SAMMSON: variants seen among roughly 807,000 people sequenced by gnomAD.
SAMMSON encodes the protein survival associated mitochondrial melanoma specific oncogenic non-coding RNA.
At chr3:70,245,858 T>A (rs1244521692) in intron 4 of SAMMSON, among the ~76,000 whole-genome samples, 1 of 151,066 alleles carries the variant, frequency 6.6e-6, no homozygotes, top group Non-Finnish European at 1.5e-5. Flanking sequence ...TTAAAAACAA[T>A]CTCCGCAGAA....
intron 4 of SAMMSON, among the ~76,000 whole-genome samples, chr3:70,192,638 G>A (rs557474541): frequency 6.6e-6 from 1 of 152,278 alleles, no homozygotes; most frequent in Admixed American, 6.5e-5. Context: ...CTCAAAACGT[G>A]GAGTCTTTAG....
At chr3:70,248,729 G>C (rs1042657775) in intron 4 of SAMMSON, among the ~76,000 whole-genome samples, 1 of 152,064 alleles carries the variant, frequency 6.6e-6, no homozygotes, top group African/African-American at 2.4e-5. Context: ...AAGAGTTAGT[G>C]AACAAAAGAA....
At chr3:70,107,024 C>T (rs956169391) in intron 4 of SAMMSON, among the ~76,000 whole-genome samples, 1 of 152,172 alleles carries the variant, frequency 6.6e-6, no homozygotes, top group African/African-American at 2.4e-5. Flanking sequence ...AAATATTGGA[C>T]ACCCAGTGTA....
At chr3:70,188,624 C>T (rs147785271) in intron 4 of SAMMSON, among the ~76,000 whole-genome samples, 15 of 152,216 alleles carry the variant, frequency 9.9e-5, no homozygotes, top group South Asian at 4.1e-4. Context: ...TCATGTGTTA[C>T]GGAAACAAAT....
At chr3:70,014,168 A>G (rs2107578144) in intron 3 of SAMMSON, 1 of 152,302 alleles carries the variant, frequency 6.6e-6, no homozygotes, top group South Asian at 2.1e-4. Context: ...TACTATTTCC[A>G]AAGCGGAGAG....
At chr3:70,353,947 T>A (rs1004244705) in intron 7 of SAMMSON, among the ~76,000 whole-genome samples, 22 of 152,146 alleles carry the variant, frequency 1.4e-4, no homozygotes, top group African/African-American at 5.3e-4. Context: ...AAAAGCCAAT[T>A]TGAAAGGTTA....
At chr3:70,348,670 C>T (rs1300341567) in intron 7 of SAMMSON, among the ~76,000 whole-genome samples, 1 of 152,190 alleles carries the variant, frequency 6.6e-6, no homozygotes, top group Non-Finnish European at 1.5e-5. Context: ...TCTCAGGTTC[C>T]AATTCCAGGG....
chr3:70,112,319 C>G (rs1027739146), intron 4 of SAMMSON, among the ~76,000 whole-genome samples: 1 of 152,092 alleles, frequency 6.6e-6, no homozygotes, highest in Non-Finnish European at 1.5e-5. Flanking sequence ...TGTACAATTA[C>G]GTACCCTACA....
At chr3:70,296,912 T>C (rs2106698305) in intron 7 of SAMMSON, among the ~76,000 whole-genome samples, 1 of 152,052 alleles carries the variant, frequency 6.6e-6, no homozygotes. Flanking sequence ...TAAACTTTCA[T>C]ATGGCTAATA....
intron 6 of SAMMSON, among the ~76,000 whole-genome samples, chr3:70,277,300 C>T (rs1204310644): frequency 6.6e-6 from 1 of 152,118 alleles, no homozygotes; most frequent in Non-Finnish European, 1.5e-5. Context: ...TTTGTTTATT[C>T]TGAAACTAAC....
chr3:70,371,881 G>A (rs1346653903), intron 9 of SAMMSON, among the ~76,000 whole-genome samples: 1 of 152,148 alleles, frequency 6.6e-6, no homozygotes, highest in African/African-American at 2.4e-5. Context: ...TTAAATAAGA[G>A]TGGTGAAAGT....
At chr3:70,267,579 T>TG (rs1491522896) in intron 6 of SAMMSON, among the ~76,000 whole-genome samples, 1 of 27,436 alleles carries the variant, frequency 3.6e-5, no homozygotes, top group Non-Finnish European at 6.0e-5. Flanking sequence ...ATTTTTTGTA[T>TG]TTTTTTTTTT....
chr3:70,044,774 A>T (rs2067117883), intron 3 of SAMMSON, among the ~76,000 whole-genome samples: 1 of 150,980 alleles, frequency 6.6e-6, no homozygotes, highest in Non-Finnish European at 1.5e-5. Context: ...AATAAAATGT[A>T]ACTGTGTTTA....
At position 70,193,073 on chromosome 3, in the gene SAMMSON, A is replaced by T. The variant is rs945580243; in HGVS notation, n.508-56034A>T. 2.0e-5 allele frequency among the ~76,000 whole-genome samples: 3 copies of T among 152,206 alleles called. No homozygotes were observed. In the East Asian group the frequency reaches 5.8e-4, roughly 30 times the overall value. Reference sequence around the variant, plus strand: ...GCTTTGCCAAATTGTGAGGGAGGGAATTGAGAACCACTGCTTTAGAGGCAG... The same window carrying T: ...GCTTTGCCAAATTGTGAGGGAGGGATTTGAGAACCACTGCTTTAGAGGCAG... On this transcript the variant is annotated intron_variant and non_coding_transcript_variant, in intron 4 of 9. Coordinates refer to ENST00000642114, the Ensembl canonical transcript of SAMMSON.
chr3:70,010,694 A>G (rs1346864936), intron 1 of SAMMSON, among the ~76,000 whole-genome samples: 1 of 96,932 alleles, frequency 1.0e-5, no homozygotes, highest in African/African-American at 5.1e-5. Flanking sequence ...GCTATAAAGA[A>G]CTTTTACTGC....
intron 4 of SAMMSON, among the ~76,000 whole-genome samples, chr3:70,086,849 T>A (rs907657102): frequency 6.6e-6 from 1 of 152,194 alleles, no homozygotes; most frequent in Non-Finnish European, 1.5e-5. Context: ...AATTTACACA[T>A]GTATGGGTTT....
chr3:70,174,796 C>A (rs1282516317), intron 4 of SAMMSON, among the ~76,000 whole-genome samples: 1 of 151,770 alleles, frequency 6.6e-6, no homozygotes, highest in East Asian at 1.9e-4. Flanking sequence ...GAGGAAGTAG[C>A]CACTGAACTG....
At chr3:70,233,013 A>G (rs1168213742) in intron 4 of SAMMSON, among the ~76,000 whole-genome samples, 2 of 152,202 alleles carry the variant, frequency 1.3e-5, no homozygotes, top group Non-Finnish European at 2.9e-5. Flanking sequence ...TCATGGTGAA[A>G]TACAGTCTCT....
chr3:70,045,149 ATT>A (rs2067121528), intron 3 of SAMMSON, among the ~76,000 whole-genome samples: 1 of 107,848 alleles, frequency 9.3e-6, no homozygotes, highest in African/African-American at 3.0e-5. Flanking sequence ...ATTTATATAT[ATT>A]AATTATAATA....
Sources: allele counts gnomAD v4.1 joint callset (sites outside exome capture counted in the v4.1 genomes callset), GRCh38; gene constraint gnomAD v4.1.1; transcripts MANE v1.5; gene names NCBI Gene and HGNC (gene_info 2026-07-23, HGNC 2026-07-21).